The following CCSER1 variants were observed in gnomAD, a reference collection of about 807,000 sequenced individuals.
CCSER1 encodes the protein coiled-coil serine rich protein 1, also known as serine-rich coiled-coil domain-containing protein 1.
Under a neutral mutation model 82.0 loss-of-function variants are expected in CCSER1, and 41 were observed. The observed-to-expected ratio is 0.50, with a 90% CI of 0.39 to 0.65. The LOEUF (loss-of-function observed/expected upper bound fraction) is 0.65, where lower values mean the gene tolerates loss of function less well. Among genes scored for constraint, CCSER1 ranks in the 30% least tolerant of loss-of-function variants. The pLI, the probability that CCSER1 is intolerant of heterozygous loss-of-function variation, is 0.00. For missense variants in CCSER1, 1,119 were observed against 1,064.2 expected, an observed-to-expected ratio of 1.05 and a Z score of -0.72; for synonymous variants, 414 against 383.9, an observed-to-expected ratio of 1.08 and a Z score of -0.92.
intron 3 of CCSER1, among the ~76,000 whole-genome samples, chr4:90,374,455 C>A (rs1392328490): frequency 6.6e-6 from 1 of 152,100 alleles, no homozygotes; most frequent in East Asian, 1.9e-4. Context: ...GGGATTCAGG[C>A]AAGGTTTGCA....
At chr4:90,391,699 G>C (rs972039050) in intron 3 of CCSER1, among the ~76,000 whole-genome samples, 2 of 151,376 alleles carry the variant, frequency 1.3e-5, no homozygotes, top group Non-Finnish European at 3.0e-5. Context: ...TAGAATGGTG[G>C]CTGGCAGAAG....
chr4:90,158,377 C>G (rs893777343), intron 1 of CCSER1, among the ~76,000 whole-genome samples: 1 of 152,156 alleles, frequency 6.6e-6, no homozygotes, highest in Non-Finnish European at 1.5e-5. Flanking sequence ...TCTCCAGCTG[C>G]GTGCTGGGAG....
intron 1 of CCSER1, among the ~76,000 whole-genome samples, chr4:90,188,147 T>C (rs1413265223): frequency 6.6e-6 from 1 of 151,884 alleles, no homozygotes. Context: ...TTTCCACTCT[T>C]CTCCATTGCT....
At chr4:90,270,945 A>G (rs1051676522) in intron 1 of CCSER1, among the ~76,000 whole-genome samples, 1 of 152,174 alleles carries the variant, frequency 6.6e-6, no homozygotes, top group South Asian at 2.1e-4. Context: ...GACATGAAAG[A>G]TCTCTTCAAT....
In CCSER1 at chr4:90,309,384, T is replaced by G; in HGVS notation, c.1100T>G (p.Leu367Arg). The change falls in exon 2 of 11, where the codon CTA becomes CGA. Residue 367 changes from leucine (L) to arginine (R), a missense_variant. Leu to Arg is a moderately radical substitution (Grantham distance 102). Transcript: ENST00000509176. ...AGTGTGAGCCACTCAGAGAGTAACC[T>G]ACCAGCAGATAGTGAAAGAGAAGAA... ...ATSVSHSESN[L>R]PADSEREENI... 6.2e-7 allele frequency: 1 copy of G among 1,613,774 alleles called. No individual in the cohort carries two copies. The highest frequency in any genetic ancestry group is 8.5e-7 in the Non-Finnish European group (1 of 1,179,788).
chr4:90,366,922 A>G (rs1348659440), intron 3 of CCSER1, among the ~76,000 whole-genome samples: 1 of 151,892 alleles, frequency 6.6e-6, no homozygotes, highest in Non-Finnish European at 1.5e-5. Context: ...GTATAACTTA[A>G]CAAAATCAAA....
At chr4:91,431,163 G>A (rs1342422209) in intron 10 of CCSER1, among the ~76,000 whole-genome samples, 1 of 152,162 alleles carries the variant, frequency 6.6e-6, no homozygotes, top group Non-Finnish European at 1.5e-5. Flanking sequence ...GTGAACCCGG[G>A]AGGCGGAACT....
At chr4:91,262,270 C>T (rs1461473887) in intron 10 of CCSER1, among the ~76,000 whole-genome samples, 1 of 151,896 alleles carries the variant, frequency 6.6e-6, no homozygotes. Flanking sequence ...TGTGAGTTTA[C>T]AATAATTAAT....
At chr4:90,408,436 T>C (rs544900516) in intron 4 of CCSER1, among the ~76,000 whole-genome samples, 31 of 152,266 alleles carry the variant, frequency 2.0e-4, no homozygotes, top group African/African-American at 7.2e-4. Context: ...GAGACAAAAC[T>C]TCCAGAGGAA....
intron 9 of CCSER1, among the ~76,000 whole-genome samples, chr4:90,925,635 A>G (rs1178391332): frequency 6.6e-6 from 1 of 152,014 alleles, no homozygotes; most frequent in East Asian, 1.9e-4. Flanking sequence ...ATGCCTCATA[A>G]TTTTCTAATT....
At chr4:90,545,618 T>G (rs1157791552) in intron 5 of CCSER1, among the ~76,000 whole-genome samples, 1 of 152,060 alleles carries the variant, frequency 6.6e-6, no homozygotes, top group Non-Finnish European at 1.5e-5. Context: ...GCCATGACTA[T>G]TCCTCACCCT....
chr4:90,588,868 G>A (rs894163383), intron 5 of CCSER1, among the ~76,000 whole-genome samples: 1 of 152,110 alleles, frequency 6.6e-6, no homozygotes, highest in Admixed American at 6.6e-5. Context: ...AAGCCACATG[G>A]AACTGTGAGT....
At chr4:90,132,574 C>T (rs1427023259) in intron 1 of CCSER1, among the ~76,000 whole-genome samples, 2 of 152,160 alleles carry the variant, frequency 1.3e-5, no homozygotes, top group Admixed American at 1.3e-4. Context: ...ATATTGTTAT[C>T]AGTCTACTTT....
At chr4:90,924,410 T>G (rs999506269) in intron 9 of CCSER1, among the ~76,000 whole-genome samples, 5 of 152,106 alleles carry the variant, frequency 3.3e-5, no homozygotes, top group African/African-American at 1.2e-4. Flanking sequence ...AAGCTTTGAA[T>G]CACTGCACAA....
chr4:91,068,999 T>A (rs1266519877), intron 9 of CCSER1, among the ~76,000 whole-genome samples: 1 of 151,772 alleles, frequency 6.6e-6, no homozygotes, highest in African/African-American at 2.4e-5. Context: ...CCTGGCAAAA[T>A]CCTGTCTTTA....
chr4:91,529,168 T>C (rs1760907912), intron 10 of CCSER1, among the ~76,000 whole-genome samples: 2 of 152,134 alleles, frequency 1.3e-5, no homozygotes, highest in Admixed American at 6.5e-5. Flanking sequence ...TAGTTTCAGA[T>C]GTAAGAAGGA....
chr4:90,354,707 A>T (rs1561083345), intron 3 of CCSER1, among the ~76,000 whole-genome samples: 1 of 152,118 alleles, frequency 6.6e-6, no homozygotes, highest in Non-Finnish European at 1.5e-5. Context: ...CGTGCTAGGT[A>T]TTTTTTACAG....
rs1465507425 is a variant in CCSER1, at chr4:91,355,449, C to T, written c.2218-243123C>T. On this transcript the variant is annotated intron_variant, in intron 10 of 10. Coordinates refer to ENST00000509176, the MANE Select transcript of CCSER1 (RefSeq NM_001145065.2). ...TAACACACATCAGGTTGGTTATTTC[C>T]TGGGCTACATACCTTGGATAGAATA... Among the ~76,000 whole-genome samples, 6 of 152,124 alleles carry T rather than the reference C, an allele frequency of 3.9e-5. No homozygotes were observed. The East Asian group carries it at 1.2e-3, about 29-fold the overall frequency.
intron 10 of CCSER1, among the ~76,000 whole-genome samples, chr4:91,574,550 G>C (rs77032915): frequency 6.6e-6 from 1 of 152,022 alleles, no homozygotes. Context: ...ACACCATGGA[G>C]TATACACAGA....
Sources: gnomAD v4.1 joint callset for allele counts (sites outside exome capture counted in the v4.1 genomes callset) on GRCh38, gnomAD v4.1.1 for gene constraint, MANE v1.5 for transcripts, NCBI Gene and HGNC (gene_info 2026-07-23, HGNC 2026-07-21) for gene names.